GHR: variants seen among roughly 807,000 people sequenced by gnomAD.
GHR encodes the protein GH receptor.
In GHR, 35 loss-of-function variants were observed where a neutral mutation model predicts 67.1. The ratio of observed to expected loss-of-function variants is 0.52; its 90% CI spans 0.40 to 0.69. The LOEUF (loss-of-function observed/expected upper bound fraction) is 0.69, where lower values mean the gene tolerates loss of function less well. GHR is among the 30% of genes least tolerant of loss of function. The pLI, the probability that GHR is intolerant of heterozygous loss-of-function variation, is 0.00. For synonymous variants in GHR, 272 were observed against 269.1 expected (o/e 1.01, Z -0.10); for missense variants, 792 against 764.6 (o/e 1.04, Z -0.42).
chr5:42,679,048 A>G (rs1172316156), intron 3 of GHR, among the ~76,000 whole-genome samples: 1 of 145,842 alleles, frequency 6.9e-6, no homozygotes. Context: ...TATATTAACA[A>G]TATGTAAACA....
rs1247837271 is a variant in GHR, at chr5:42,565,883, C to G, written c.9C>G (p.Leu3=). MD[L]WQLLLTLALA... is the part of the protein sequence containing the mutation. ...TTGCAGGTCCTACAGGTATGGATCTCTGGCAGCTGCTGTTGACCTTGGCAC... is the reference window on the plus strand; with the variant it reads ...TTGCAGGTCCTACAGGTATGGATCTGTGGCAGCTGCTGTTGACCTTGGCAC... The change falls in exon 2 of 10, where the codon CTC becomes CTG. Residue 3 remains leucine, a synonymous_variant. Transcript: ENST00000230882. 1.9e-6 allele frequency: 3 copies of G among 1,613,894 alleles called. No homozygotes were observed. Among genetic ancestry groups the G allele is most frequent in the Non-Finnish European group, 8.5e-7 (1 of 1,179,896 alleles).
intron 8 of GHR, among the ~76,000 whole-genome samples, chr5:42,717,502 A>G (rs1758776975): frequency 6.6e-6 from 1 of 152,186 alleles, no homozygotes; most frequent in Non-Finnish European, 1.5e-5. Context: ...TCCCATCTGA[A>G]ATGAACCCTG....
chr5:42,483,394 G>T (rs1382398626), intron 1 of GHR, among the ~76,000 whole-genome samples: 1 of 151,708 alleles, frequency 6.6e-6, no homozygotes, highest in Non-Finnish European at 1.5e-5. Context: ...TGAGAAATCT[G>T]CCCAAGGAGC....
chr5:42,517,784 CTT>C lies in GHR; in HGVS notation c.-11-48069_-11-48068del, dbSNP rs201050019. ...TTAGGTTGCTGTCACTCATAGTGGA[CTT>C]TTTTTTTTTTGGCATTATTAAAACA... On this transcript the variant is annotated intron_variant, in intron 1 of 9. Coordinates refer to ENST00000230882, the MANE Select transcript of GHR (RefSeq NM_000163.5). Among the ~76,000 whole-genome samples the C allele has an allele frequency of 5.6e-5, 8 of 142,906 alleles. No individual in the cohort carries two copies. The East Asian group carries it at 1.6e-3, about 29-fold the overall frequency. The allele number at this position is 142,906 out of a possible 152,430, so 93.8% of individuals were successfully genotyped here.
chr5:42,657,900 G>A (rs796082813), intron 3 of GHR, among the ~76,000 whole-genome samples: 2 of 152,248 alleles, frequency 1.3e-5, no homozygotes, highest in East Asian at 1.9e-4. Flanking sequence ...TTCTGAGTAG[G>A]TGGTCCTAAA....
chr5:42,704,667 A>G (rs974788698), intron 6 of GHR, among the ~76,000 whole-genome samples: 1 of 151,888 alleles, frequency 6.6e-6, no homozygotes, highest in African/African-American at 2.4e-5. Context: ...CAGGTCCTGG[A>G]CTTCTCTTTG....
chr5:42,545,839 C>T (rs148170869), intron 1 of GHR, among the ~76,000 whole-genome samples: 70 of 152,264 alleles, frequency 4.6e-4, no homozygotes, highest in African/African-American at 1.6e-3. Context: ...CCCCTAATAA[C>T]TTGGGGTTTG....
At chr5:42,443,938 G>A (rs1169798516) in intron 1 of GHR, among the ~76,000 whole-genome samples, 2 of 147,154 alleles carry the variant, frequency 1.4e-5, no homozygotes, top group South Asian at 2.1e-4. Context: ...CCCAGCCAAG[G>A]TGATATAGAT....
chr5:42,558,344 C>A (rs1749423460), intron 1 of GHR, among the ~76,000 whole-genome samples: 1 of 152,054 alleles, frequency 6.6e-6, no homozygotes, highest in African/African-American at 2.4e-5. Context: ...TTTATTTGTT[C>A]ATTTTTGTTA....
rs369902916 is a variant in GHR, at chr5:42,504,713, C to T, written c.-11-61151C>T. Among the ~76,000 whole-genome samples the T allele has an allele frequency of 4.6e-5, 7 of 152,140 alleles. 1 individual carries two copies. In the Middle Eastern group the frequency reaches 0.01, roughly 222 times the overall value. Reference sequence around the variant, plus strand: ...GGCGGAGGTTGCAGTGAGCCGAGATCGCACCACTGCACTCCAGCCTGAGAA... The same window carrying T: ...GGCGGAGGTTGCAGTGAGCCGAGATTGCACCACTGCACTCCAGCCTGAGAA... On this transcript the variant is annotated intron_variant, in intron 1 of 9. Coordinates refer to ENST00000230882, the MANE Select transcript of GHR (RefSeq NM_000163.5).
At chr5:42,708,362 G>A (rs797018763) in intron 6 of GHR, among the ~76,000 whole-genome samples, 2 of 151,958 alleles carry the variant, frequency 1.3e-5, no homozygotes, top group South Asian at 4.1e-4. Context: ...CTTTAAGTCT[G>A]ACATTAAATA....
intron 2 of GHR, among the ~76,000 whole-genome samples, chr5:42,615,218 A>G (rs900382812): frequency 6.6e-6 from 1 of 152,128 alleles, no homozygotes; most frequent in African/African-American, 2.4e-5. Context: ...CAAAGAAAAA[A>G]AAAACTGCTA....
chr5:42,542,125 G>C (rs1043336961), intron 1 of GHR, among the ~76,000 whole-genome samples: 2 of 152,044 alleles, frequency 1.3e-5, no homozygotes, highest in African/African-American at 4.8e-5. Flanking sequence ...GATAATTTCT[G>C]GTGATATTTC....
chr5:42,630,048 T>C (rs143498670), intron 3 of GHR, among the ~76,000 whole-genome samples: 2 of 131,920 alleles, frequency 1.5e-5, no homozygotes, highest in Non-Finnish European at 3.2e-5. Flanking sequence ...CTCCAAATTC[T>C]CTAGTCCTGA....
intron 1 of GHR, among the ~76,000 whole-genome samples, chr5:42,531,982 C>CTT (rs762664385): frequency 9.1e-5 from 13 of 142,936 alleles, no homozygotes; most frequent in East Asian, 8.1e-4. Context: ...AGAAAAATAG[C>CTT]TTTTTTTTTT....
intron 1 of GHR, among the ~76,000 whole-genome samples, chr5:42,463,776 G>A (rs1307042733): frequency 2.0e-5 from 3 of 151,574 alleles, no homozygotes; most frequent in Non-Finnish European, 4.4e-5. Context: ...GGTGGATCAC[G>A]AGGTCAGGAG....
intron 1 of GHR, among the ~76,000 whole-genome samples, chr5:42,439,261 T>C (rs969285133): frequency 6.6e-6 from 1 of 152,206 alleles, no homozygotes; most frequent in African/African-American, 2.4e-5. Context: ...GAAATCCTCA[T>C]GGGAAAACTC....
At chr5:42,464,868 G>T (rs1246604721) in intron 1 of GHR, among the ~76,000 whole-genome samples, 1 of 152,122 alleles carries the variant, frequency 6.6e-6, no homozygotes, top group Non-Finnish European at 1.5e-5. Flanking sequence ...CTCTTTCCAG[G>T]TTAGAAGTAA....
Position 42,553,074 on chromosome 5 carries a change from G to T in GHR, c.-11-12790G>T, listed in dbSNP as rs536737889. 2.6e-5 allele frequency among the ~76,000 whole-genome samples: 4 copies of T among 152,238 alleles called. No homozygotes were observed. In the East Asian group the frequency reaches 7.7e-4, roughly 29 times the overall value. On this transcript the variant is annotated intron_variant, in intron 1 of 9. Transcript: ENST00000230882. ...GATTAATGTTTACAGTCAATCTCAA[G>T]CTCTATAATGGACTCTTAAAGGCTG...
Sources: gnomAD v4.1 joint callset for allele counts (sites outside exome capture counted in the v4.1 genomes callset) on GRCh38, gnomAD v4.1.1 for gene constraint, MANE v1.5 for transcripts, NCBI Gene and HGNC (gene_info 2026-07-23, HGNC 2026-07-21) for gene names.